The following ITPK1 variants were observed in gnomAD, a reference collection of about 807,000 sequenced individuals.
ITPK1 encodes the protein inositol-tetrakisphosphate 1-kinase, also known as inositol 1,3,4-trisphosphate 5/6-kinase.
ITPK1 carries 21 observed loss-of-function variants against 45.3 expected under a neutral mutation model. The ratio of observed to expected loss-of-function variants is 0.46; its 90% CI spans 0.33 to 0.67. The LOEUF (loss-of-function observed/expected upper bound fraction) is 0.67, where lower values mean the gene tolerates loss of function less well. Among genes scored for constraint, ITPK1 ranks in the 30% least tolerant of loss-of-function variants. ITPK1 has a pLI of 0.02. For synonymous variants in ITPK1, 258 were observed against 253.6 expected, an observed-to-expected ratio of 1.02 and a Z score of -0.16; for missense variants, 474 against 573.5, an observed-to-expected ratio of 0.83 and a Z score of 1.77.
chr14:93,024,321 T>G (rs1014948609), intron 3 of ITPK1, among the ~76,000 whole-genome samples: 2 of 152,150 alleles, frequency 1.3e-5, no homozygotes, highest in African/African-American at 4.8e-5. Context: ...GCCCAGGGGT[T>G]AGAGGGCAGG....
chr14:93,114,404 TC>T (rs1230509794), intron 2 of ITPK1, among the ~76,000 whole-genome samples: 1 of 152,142 alleles, frequency 6.6e-6, no homozygotes, highest in Non-Finnish European at 1.5e-5. Flanking sequence ...CACCAGCCAC[TC>T]CCTAGCTGCG....
At chr14:93,100,019 C>A (rs894827874) in intron 2 of ITPK1, among the ~76,000 whole-genome samples, 1 of 152,232 alleles carries the variant, frequency 6.6e-6, no homozygotes, top group Non-Finnish European at 1.5e-5. Flanking sequence ...CACGTCCACT[C>A]CCACCTCAGC....
In ITPK1 at chr14:92,938,698, G is replaced by A; in HGVS notation, c.*2863C>T. Reference sequence around the variant, plus strand: ...AGGCCCAGCCCACCCACCACGTGTGGACCCAGACACCTCCATGACACCAAG... The same window carrying A: ...AGGCCCAGCCCACCCACCACGTGTGAACCCAGACACCTCCATGACACCAAG... On this transcript the variant is annotated 3_prime_UTR_variant, in exon 11 of 11. Coordinates refer to ENST00000267615, the MANE Select transcript of ITPK1 (RefSeq NM_014216.6). 1 of 628,222 alleles carries A rather than the reference G, an allele frequency of 1.6e-6. No homozygotes were observed. Among genetic ancestry groups the A allele is most frequent in the Non-Finnish European group, 2.9e-6 (1 of 349,088 alleles). 38.9% of individuals were successfully genotyped at this position (628,222 alleles called of 1,614,324 possible). A position where few individuals can be genotyped will look rare whatever the true frequency, so the allele number is the denominator to read the frequency against.
rs1475980809 is a variant in ITPK1 at position 93,016,533 on chromosome 14, A to T, written c.246+143T>A. The T allele has an allele frequency of 1.1e-6, 1 of 919,910 alleles. No homozygotes were observed. The highest frequency in any genetic ancestry group is 2.5e-5 in the East Asian group (1 of 39,878). 57.0% of individuals were successfully genotyped at this position (919,910 alleles called of 1,614,324 possible). A position where few individuals can be genotyped will look rare whatever the true frequency, so the allele number is the denominator to read the frequency against. On this transcript the variant is annotated intron_variant, in intron 4 of 10. Coordinates refer to ENST00000267615, the MANE Select transcript of ITPK1 (RefSeq NM_014216.6). The surrounding 1 kb of genome is among the most constrained non-coding windows in gnomAD (Gnocchi z 5.0). ...CACAGAAGTACCTGCCCACGAGCCC[A>T]TGTCTTGCCAGTGGCAGAGCCATTT...
chr14:93,096,876 C>G (rs1015461001), intron 2 of ITPK1, among the ~76,000 whole-genome samples: 1 of 152,202 alleles, frequency 6.6e-6, no homozygotes, highest in Non-Finnish European at 1.5e-5. Context: ...AACTTCCCAC[C>G]ACCACACAGG....
rs1889754994 is a variant in ITPK1, at chr14:93,045,985, C to A, written c.121-29184G>T. On this transcript the variant is annotated intron_variant, in intron 3 of 10. Coordinates refer to ENST00000267615, the MANE Select transcript of ITPK1 (RefSeq NM_014216.6). ...CACTGCCTCCCAAGCGGTCACTGCT[C>A]TGGCGGGACGGGTCCACCAGTGGTC... is the stretch of plus-strand genomic sequence containing the variant. Among the ~76,000 whole-genome samples the A allele has an allele frequency of 2.0e-5, 3 of 152,236 alleles. No individual in the cohort carries two copies. In the South Asian group the frequency reaches 6.2e-4, roughly 31 times the overall value.
rs188960606 is a variant in ITPK1 at position 93,095,100 on chromosome 14, C to T, written c.96-18481G>A. ...ACTTCACCTCCTGTCTCTGTCTCCG[C>T]ACCAACTGGGCTCCCGGGGTGCAGG... is the stretch of plus-strand genomic sequence containing the variant. On this transcript the variant is annotated intron_variant, in intron 2 of 10. Coordinates refer to ENST00000267615, the MANE Select transcript of ITPK1 (RefSeq NM_014216.6). 6.4e-4 allele frequency among the ~76,000 whole-genome samples: 98 copies of T among 152,340 alleles called. 1 individual carries two copies. The highest frequency in any genetic ancestry group is 2.1e-3 in the African/African-American group (88 of 41,588).
intron 3 of ITPK1, among the ~76,000 whole-genome samples, chr14:93,020,300 T>C (rs1290406086): frequency 6.6e-6 from 1 of 152,184 alleles, no homozygotes; most frequent in Non-Finnish European, 1.5e-5. Flanking sequence ...GCCCTGACAC[T>C]ATCCCTGTCT....
chr14:92,979,651 G>A (rs1886116771), intron 5 of ITPK1, among the ~76,000 whole-genome samples: 1 of 152,086 alleles, frequency 6.6e-6, no homozygotes, highest in East Asian at 1.9e-4. Context: ...CTCTCCTGCT[G>A]CCACGTAAAG....
chr14:92,941,570 G>A lies in ITPK1; in HGVS notation c.1236C>T (p.Ser412=). The A allele has an allele frequency of 6.5e-7, 1 of 1,535,076 alleles. No homozygotes were observed. Among genetic ancestry groups the A allele is most frequent in the Non-Finnish European group, 8.7e-7 (1 of 1,143,722 alleles). The change falls in exon 11 of 11, where the codon TCC becomes TCT. Residue 412 remains serine, a synonymous_variant. Transcript: ENST00000267615. The part of the protein sequence containing the change: ...HCVASLATKA[S]SQ The stretch of plus-strand genomic sequence containing the variant: ...GGTCCCGGCTCCGTGGCTACTGGGA[G>A]GAGGCCTTGGTGGCCAGGGAGGCCA...
At chr14:93,039,159 T>C (rs1889454426) in intron 3 of ITPK1, among the ~76,000 whole-genome samples, 1 of 152,152 alleles carries the variant, frequency 6.6e-6, no homozygotes, top group African/African-American at 2.4e-5. Context: ...CCTTTCCTAC[T>C]AAACGATGCC....
intron 4 of ITPK1, among the ~76,000 whole-genome samples, chr14:93,011,537 T>C (rs1887909672): frequency 6.6e-6 from 1 of 152,208 alleles, no homozygotes; most frequent in South Asian, 2.1e-4. Context: ...AGGAGCTTCC[T>C]TCCCAGATCC....
At chr14:93,040,508 C>G (rs1889514510) in intron 3 of ITPK1, among the ~76,000 whole-genome samples, 1 of 152,154 alleles carries the variant, frequency 6.6e-6, no homozygotes, top group African/African-American at 2.4e-5. Flanking sequence ...ACCGCTTGGC[C>G]CAACACCCCT....
At chr14:92,962,438 C>G in intron 6 of ITPK1, 43 bp from the exon 7 acceptor site, 1 of 1,360,806 alleles carries the variant, frequency 7.3e-7, no homozygotes, top group Middle Eastern at 1.8e-4. Flanking sequence ...TTAGTGAGGC[C>G]GTTCACCCAC....
chr14:92,970,060 C>G (rs1213349825), intron 5 of ITPK1, among the ~76,000 whole-genome samples: 1 of 152,142 alleles, frequency 6.6e-6, no homozygotes, highest in Non-Finnish European at 1.5e-5. Context: ...ACCTCATTAC[C>G]CATCCACTCC....
Position 92,941,697 on chromosome 14 carries a change from G to C in ITPK1, c.1109C>G (p.Ala370Gly). ...CGCGTCGGCCTCAGCCTTCCAGGGC[G>C]CGTCCTGGCCCATCATGCTGCCGCA... ...GCCGSMMGQDAPWKAEADAGG... is the reference protein window; with the variant it reads ...GCCGSMMGQDGPWKAEADAGG... The change falls in exon 11 of 11, where the codon GCG becomes GGG. Residue 370 changes from alanine (A) to glycine (G), a missense_variant. Physicochemically the swap from Ala to Gly is moderately conservative, Grantham distance 60. Coordinates refer to ENST00000267615, the MANE Select transcript of ITPK1 (RefSeq NM_014216.6). The C allele has an allele frequency of 6.4e-7, 1 of 1,559,572 alleles. No homozygotes were observed. The highest frequency in any genetic ancestry group is 8.7e-7 in the Non-Finnish European group (1 of 1,155,072).
intron 3 of ITPK1, among the ~76,000 whole-genome samples, chr14:93,023,499 T>C (rs1162622786): frequency 6.6e-6 from 1 of 152,200 alleles, no homozygotes; most frequent in Non-Finnish European, 1.5e-5. Flanking sequence ...CTGAGGCTGT[T>C]GGTTAATACA....
intron 2 of ITPK1, among the ~76,000 whole-genome samples, chr14:93,091,712 G>A (rs532847670): frequency 3.9e-5 from 6 of 152,224 alleles, no homozygotes; most frequent in East Asian, 1.9e-4. Flanking sequence ...GCTCCTCCCC[G>A]CCTCCCATTT....
intron 2 of ITPK1, among the ~76,000 whole-genome samples, chr14:93,093,355 C>A (rs1415940277): frequency 6.6e-6 from 1 of 152,210 alleles, no homozygotes; most frequent in Non-Finnish European, 1.5e-5. Context: ...TGTGTTATAA[C>A]TGCACTAGTC....
Sources: allele counts gnomAD v4.1 joint callset (sites outside exome capture counted in the v4.1 genomes callset), GRCh38; gene constraint gnomAD v4.1.1; non-coding constraint Gnocchi (gnomAD v3.1); transcripts MANE v1.5; gene names NCBI Gene and HGNC (gene_info 2026-07-23, HGNC 2026-07-21).